RIT2: variants seen among roughly 807,000 people sequenced by gnomAD.
The protein encoded by RIT2 is GTP-binding protein Rit2.
A neutral mutation model predicts 23.7 loss-of-function variants in RIT2; 24 were observed. That is an observed-to-expected ratio of 1.01 (90% CI 0.73 to 1.43). The LOEUF (loss-of-function observed/expected upper bound fraction) is 1.43. Ranked by LOEUF, RIT2 falls within the 40% of genes most tolerant of loss-of-function variation. The pLI, the probability that RIT2 is intolerant of heterozygous loss-of-function variation, is 0.00. For missense variants in RIT2, 236 were observed against 266.9 expected (o/e 0.88, Z 0.81); for synonymous variants, 107 against 91.1 (o/e 1.17, Z -0.99).
At chr18:42,774,164 A>C (rs2143919969) in intron 4 of RIT2, among the ~76,000 whole-genome samples, 1 of 152,144 alleles carries the variant, frequency 6.6e-6, no homozygotes, top group East Asian at 1.9e-4. Flanking sequence ...CATTTACAAA[A>C]TGTTTTTTTT....
At chr18:42,836,388 T>C (rs1407671182) in intron 4 of RIT2, among the ~76,000 whole-genome samples, 1 of 152,046 alleles carries the variant, frequency 6.6e-6, no homozygotes, top group Non-Finnish European at 1.5e-5. Context: ...AGTCCTCCAA[T>C]CTGCCTCCAC....
intron 1 of RIT2, among the ~76,000 whole-genome samples, chr18:43,099,574 T>C (rs765912525): frequency 1.8e-4 from 28 of 152,252 alleles, no homozygotes; most frequent in Non-Finnish European, 2.8e-4. Flanking sequence ...TTAATCTTCA[T>C]ATTTCCCCTA....
intron 4 of RIT2, among the ~76,000 whole-genome samples, chr18:42,766,048 T>C (rs1046277283): frequency 1.3e-5 from 2 of 152,198 alleles, no homozygotes; most frequent in East Asian, 3.8e-4. Flanking sequence ...CCTCCCTTTG[T>C]TCCCAGTTTA....
At chr18:42,963,026 T>C (rs549841749) in intron 3 of RIT2, among the ~76,000 whole-genome samples, 6 of 152,260 alleles carry the variant, frequency 3.9e-5, no homozygotes, top group African/African-American at 1.2e-4. Flanking sequence ...CAGCATGCTA[T>C]TTACCTATCC....
intron 4 of RIT2, among the ~76,000 whole-genome samples, chr18:42,908,525 A>T (rs1261019760): frequency 6.6e-6 from 1 of 152,196 alleles, no homozygotes; most frequent in Non-Finnish European, 1.5e-5. Flanking sequence ...AACCCAAAGA[A>T]TAAATCATTA....
At chr18:42,760,222 T>G (rs1913269505) in intron 4 of RIT2, among the ~76,000 whole-genome samples, 1 of 152,214 alleles carries the variant, frequency 6.6e-6, no homozygotes, top group Admixed American at 6.5e-5. Flanking sequence ...AAGAAACCCC[T>G]CTGTGGCCTT....
chr18:42,763,902 G>A (rs1382071584), intron 4 of RIT2, among the ~76,000 whole-genome samples: 4 of 151,902 alleles, frequency 2.6e-5, no homozygotes, highest in Non-Finnish European at 5.9e-5. Flanking sequence ...GACCTACATG[G>A]GGTCAGAATC....
intron 1 of RIT2, 119 bp downstream of exon 1, chr18:43,115,298 T>A: frequency 7.8e-7 from 1 of 1,287,686 alleles, no homozygotes; most frequent in African/African-American, 1.5e-5. Context: ...AGACCCATAC[T>A]CTGTGTTTAA....
intron 1 of RIT2, among the ~76,000 whole-genome samples, chr18:43,101,849 G>T (rs776077653): frequency 6.6e-6 from 1 of 152,148 alleles, no homozygotes; most frequent in East Asian, 1.9e-4. Flanking sequence ...AAGTGTGAAA[G>T]CTGATATTAG....
intron 4 of RIT2, among the ~76,000 whole-genome samples, chr18:42,834,620 GAAGT>G (rs1196218085): frequency 6.6e-6 from 1 of 151,890 alleles, no homozygotes; most frequent in African/African-American, 2.4e-5. Flanking sequence ...ATGTTTTGCA[GAAGT>G]AAAATAAGAT....
intron 4 of RIT2, chr18:42,920,836 A>T (rs1295727196): frequency 4.1e-6 from 4 of 983,732 alleles, no homozygotes; most frequent in Non-Finnish European, 6.4e-6. Flanking sequence ...CACCAGTGTA[A>T]TTTCACCGTT....
chr18:42,862,760 C>T (rs568291796), intron 4 of RIT2, among the ~76,000 whole-genome samples: 3 of 152,282 alleles, frequency 2.0e-5, no homozygotes, highest in Admixed American at 6.5e-5. Context: ...AACTGAAATA[C>T]GTGTTGGTTA....
At position 42,923,764 on chromosome 18, in the gene RIT2, C is replaced by A; in HGVS notation, c.235-1G>T. ...GCTCCCGCATGGCTGTGAATTCTGCCTGCAGGAAAAAAAAAAAAAAATTAG... is the reference window on the plus strand; with the variant it reads ...GCTCCCGCATGGCTGTGAATTCTGCATGCAGGAAAAAAAAAAAAAAATTAG... On this transcript the variant is annotated splice_acceptor_variant, in intron 3 of 4. Transcript: ENST00000326695. LOFTEE classifies it high-confidence loss of function. The A allele has an allele frequency of 1.3e-6, 2 of 1,551,892 alleles. No homozygotes were observed. Among genetic ancestry groups the A allele is most frequent in the African/African-American group, 1.6e-5 (1 of 62,158 alleles).
intron 1 of RIT2, among the ~76,000 whole-genome samples, chr18:43,043,456 A>C (rs1912174706): frequency 6.6e-6 from 1 of 152,228 alleles, no homozygotes; most frequent in Non-Finnish European, 1.5e-5. Flanking sequence ...AAATAAATGC[A>C]TCTAAAATTA....
intron 1 of RIT2, among the ~76,000 whole-genome samples, chr18:43,037,110 G>C (rs1246491771): frequency 1.3e-5 from 2 of 151,926 alleles, no homozygotes; most frequent in East Asian, 1.9e-4. Context: ...TTAATACATT[G>C]GTTCTAAAAA....
At chr18:43,071,053 G>T (rs751972194) in intron 1 of RIT2, among the ~76,000 whole-genome samples, 2 of 152,136 alleles carry the variant, frequency 1.3e-5, no homozygotes, top group Non-Finnish European at 2.9e-5. Context: ...GCTTCAAAGT[G>T]AAACGTATAT....
At chr18:42,957,342 A>T (rs892669539) in intron 3 of RIT2, among the ~76,000 whole-genome samples, 1 of 152,174 alleles carries the variant, frequency 6.6e-6, no homozygotes, top group Non-Finnish European at 1.5e-5. Context: ...ATAGATTTTT[A>T]AATGACAAAT....
At chr18:42,889,715 G>A (rs77499268) in intron 4 of RIT2, among the ~76,000 whole-genome samples, 15,735 of 151,872 alleles carry the variant, frequency 0.1, 959 homozygotes, top group Middle Eastern at 0.24. Flanking sequence ...AATGTATACC[G>A]CCATCAAACA....
intron 1 of RIT2, among the ~76,000 whole-genome samples, chr18:43,062,544 T>G (rs1351643472): frequency 6.6e-6 from 1 of 152,186 alleles, no homozygotes; most frequent in African/African-American, 2.4e-5. Flanking sequence ...GTATTAAATA[T>G]GAATTCTCAA....
Sources: allele counts gnomAD v4.1 joint callset (sites outside exome capture counted in the v4.1 genomes callset), GRCh38; gene constraint gnomAD v4.1.1; transcripts MANE v1.5; gene names NCBI Gene and HGNC (gene_info 2026-07-23, HGNC 2026-07-21).